SV2B: variants seen among roughly 807,000 people sequenced by gnomAD.
The protein encoded by SV2B is solute carrier family 22 member B2.
Under a neutral mutation model 73.9 loss-of-function variants are expected in SV2B, and 41 were observed. The ratio of observed to expected loss-of-function variants is 0.56; its 90% CI spans 0.43 to 0.72. The LOEUF is 0.72. Ranked by LOEUF, SV2B falls within the 30% of genes least tolerant of loss-of-function variation. SV2B has a pLI of 0.00. For missense variants in SV2B, 764 were observed against 857.8 expected (o/e 0.89, Z 1.37); for synonymous variants, 314 against 314.2 (o/e 1.00, Z 0.01).
chr15:91,200,519 G>T (rs1413582851), intron 1 of SV2B, among the ~76,000 whole-genome samples: 1 of 152,158 alleles, frequency 6.6e-6, no homozygotes, highest in African/African-American at 2.4e-5. Flanking sequence ...GGTCTTACAT[G>T]GTTGTGGTCA....
At chr15:91,170,408 C>T (rs912276384) in intron 1 of SV2B, among the ~76,000 whole-genome samples, 1 of 152,184 alleles carries the variant, frequency 6.6e-6, no homozygotes, top group Non-Finnish European at 1.5e-5. Flanking sequence ...CTGCCTCAGC[C>T]TCCCGAGTAG....
intron 2 of SV2B, among the ~76,000 whole-genome samples, chr15:91,238,053 T>C (rs1010258769): frequency 2.0e-5 from 3 of 152,230 alleles, no homozygotes; most frequent in Admixed American, 6.5e-5. Flanking sequence ...TCATTGTTAC[T>C]GTGGGTTCCT....
chr15:91,221,643 C>A (rs1311294873), intron 1 of SV2B, among the ~76,000 whole-genome samples: 1 of 150,740 alleles, frequency 6.6e-6, no homozygotes, highest in Non-Finnish European at 1.5e-5. Context: ...CCATGGCCAC[C>A]ACCTTTGTCC....
intron 1 of SV2B, among the ~76,000 whole-genome samples, chr15:91,109,342 A>G (rs2041974894): frequency 6.6e-6 from 1 of 152,236 alleles, no homozygotes. Context: ...TTGACTGTTC[A>G]AACTGGGAGC....
Position 91,253,404 on chromosome 15 carries a change from TG to T in SV2B, c.784+885del. 6.6e-6 allele frequency among the ~76,000 whole-genome samples: 1 copy of T among 152,232 alleles called. No homozygotes were observed. The highest frequency in any genetic ancestry group is 6.5e-5 in the Admixed American group (1 of 15,282). On this transcript the variant is annotated intron_variant, in intron 4 of 12. Coordinates refer to ENST00000394232, the MANE Select transcript of SV2B (RefSeq NM_001323032.3). This position sits in a 1 kb window ranked among gnomAD's most constrained non-coding sequence, Gnocchi z 5.0. ...TTGTTTTAAATATGACCCTCTCTGC[TG>T]TGCTTTCTCAGCTAATGGAGGCTGC...
intron 1 of SV2B, among the ~76,000 whole-genome samples, chr15:91,207,462 G>A (rs1010866539): frequency 2.6e-5 from 4 of 152,186 alleles, no homozygotes; most frequent in Non-Finnish European, 5.9e-5. Context: ...AAAGGCCTGT[G>A]TGTGTGGTCT....
rs1376249305 is a variant in SV2B, at chr15:91,267,511, A to G, written c.1120-44A>G. 1 of 1,540,554 alleles carries G rather than the reference A, an allele frequency of 6.5e-7. No individual in the cohort carries two copies. On this transcript the variant is annotated intron_variant, in intron 7 of 12. Transcript: ENST00000394232. The surrounding 1 kb of genome is among the most constrained non-coding windows in gnomAD (Gnocchi z 4.3). Reference sequence around the variant, plus strand: ...AGCTCTTCGTGGGAGAAACAAAGTCACACATTGCTTTCTTTAACAATCCTT... The same window carrying G: ...AGCTCTTCGTGGGAGAAACAAAGTCGCACATTGCTTTCTTTAACAATCCTT...
intron 1 of SV2B, among the ~76,000 whole-genome samples, chr15:91,119,549 G>A (rs889782980): frequency 1.4e-4 from 22 of 152,192 alleles, no homozygotes; most frequent in African/African-American, 5.3e-4. Flanking sequence ...CCAGCCAGGT[G>A]GCTGGTTTCC....
intron 1 of SV2B, among the ~76,000 whole-genome samples, chr15:91,176,975 G>T (rs561727280): frequency 1.3e-5 from 2 of 152,064 alleles, no homozygotes; most frequent in South Asian, 2.1e-4. Context: ...CCATGCCTAC[G>T]TCCTGAATGG....
chr15:91,292,286 T>C (rs2049068567), intron 12 of SV2B, 83 bp from the exon 13 acceptor site: 1 of 1,396,326 alleles, frequency 7.2e-7, no homozygotes, highest in South Asian at 1.4e-5. Flanking sequence ...CTCTTCCCCC[T>C]GCAATAAGGA....
At position 91,295,680 on chromosome 15, in the gene SV2B, T is replaced by A. The variant is rs754662825; in HGVS notation, c.*3128T>A. On this transcript the variant is annotated 3_prime_UTR_variant, in exon 13 of 13. Transcript: ENST00000394232. ...GGACAATGTGACAAATACTCGCCAT[T>A]CCCTGAGACCATTCATTGACTATTC... The A allele has an allele frequency of 1.3e-5, 2 of 152,210 alleles. No individual in the cohort carries two copies. The highest frequency in any genetic ancestry group is 2.9e-5 in the Non-Finnish European group (2 of 68,024). The allele number at this position is 152,210 out of a possible 1,614,324, so 9.4% of individuals were successfully genotyped here. A position where few individuals can be genotyped will look rare whatever the true frequency, so the allele number is the denominator to read the frequency against.
At position 91,115,827 on chromosome 15, in the gene SV2B, C is replaced by T. The variant is rs2042162669; in HGVS notation, c.-392+15464C>T. On this transcript the variant is annotated intron_variant, in intron 1 of 12. Transcript: ENST00000394232. The surrounding 1 kb of genome is among the most constrained non-coding windows in gnomAD (Gnocchi z 4.3). ...TGCCTTTTACATTTATTTATTTATT[C>T]AGCAAATGTTTATTGACTTCTCATT... 6.6e-6 allele frequency among the ~76,000 whole-genome samples: 1 copy of T among 152,058 alleles called. No individual in the cohort carries two copies. Among genetic ancestry groups the T allele is most frequent in the Non-Finnish European group, 1.5e-5 (1 of 68,018 alleles).
At chr15:91,102,136 C>G (rs1016385914) in intron 1 of SV2B, 5 of 152,178 alleles carry the variant, frequency 3.3e-5, no homozygotes, top group African/African-American at 4.8e-5. Flanking sequence ...GATGAAAATC[C>G]AATCTCAAGG....
At chr15:91,119,166 T>C (rs963060557) in intron 1 of SV2B, among the ~76,000 whole-genome samples, 16 of 152,352 alleles carry the variant, frequency 1.1e-4, no homozygotes, top group African/African-American at 3.8e-4. Flanking sequence ...TTGGCATTTC[T>C]AAGGGAATAA....
intron 1 of SV2B, among the ~76,000 whole-genome samples, chr15:91,145,567 T>G (rs1665692875): frequency 6.6e-6 from 1 of 152,242 alleles, no homozygotes. Context: ...ATTGTCATAC[T>G]GTCTTTCACA....
In SV2B at chr15:91,121,806, G is replaced by A. The variant is rs893868222; in HGVS notation, c.-392+21443G>A. 3.4e-5 allele frequency among the ~76,000 whole-genome samples: 5 copies of A among 144,964 alleles called. No homozygotes were observed. Among genetic ancestry groups the A allele is most frequent in the Admixed American group, 7.0e-5 (1 of 14,216 alleles). ...TTTTTTTTTTTTGAGATGGAGTCTC[G>A]CTCTGTCACCCAGGCTGGAGTGCAG... On this transcript the variant is annotated intron_variant, in intron 1 of 12. Transcript: ENST00000394232. The surrounding 1 kb of genome is among the most constrained non-coding windows in gnomAD (Gnocchi z 4.4).
At chr15:91,101,773 G>A (rs549372366) in intron 1 of SV2B, 46 of 152,344 alleles carry the variant, frequency 3.0e-4, no homozygotes, top group African/African-American at 1.0e-3. Flanking sequence ...AGCTTTACAA[G>A]TCTCGGCTGG....
intron 1 of SV2B, among the ~76,000 whole-genome samples, chr15:91,156,333 T>G (rs1386330758): frequency 6.6e-6 from 1 of 152,164 alleles, no homozygotes; most frequent in Non-Finnish European, 1.5e-5. Context: ...TGGGTTCTCT[T>G]GTGCAGGGCC....
At chr15:91,255,426 T>C (rs2047650250) in intron 4 of SV2B, among the ~76,000 whole-genome samples, 1 of 152,116 alleles carries the variant, frequency 6.6e-6, no homozygotes. Context: ...GCTATGAGGA[T>C]GCAAAGGCAT....
Sources: allele counts gnomAD v4.1 joint callset (sites outside exome capture counted in the v4.1 genomes callset), GRCh38; gene constraint gnomAD v4.1.1; non-coding constraint Gnocchi (gnomAD v3.1); transcripts MANE v1.5; gene names NCBI Gene and HGNC (gene_info 2026-07-23, HGNC 2026-07-21).